COPZ1: variants seen among roughly 807,000 people sequenced by gnomAD.
The protein encoded by COPZ1 is coatomer subunit zeta-1.
A neutral mutation model predicts 31.7 loss-of-function variants in COPZ1; 4 were observed. The ratio of observed to expected loss-of-function variants is 0.13; its 90% CI spans 0.06 to 0.29. The LOEUF is 0.29. Among genes scored for constraint, COPZ1 ranks in the 10% least tolerant of loss-of-function variants. The probability of loss-of-function intolerance (pLI) is 1.00; values close to 1 mark genes in which losing one functional copy is unlikely to be tolerated. For synonymous variants in COPZ1, 74 were observed against 79.0 expected, an observed-to-expected ratio of 0.94 and a Z score of 0.33; for missense variants, 156 against 211.5, an observed-to-expected ratio of 0.74 and a Z score of 1.63.
chr12:54,350,615 G>A lies in COPZ1; in HGVS notation c.*92G>A. The A allele has an allele frequency of 9.7e-7, 1 of 1,028,616 alleles. No homozygotes were observed. Among genetic ancestry groups the A allele is most frequent in the Non-Finnish European group, 1.5e-6 (1 of 647,366 alleles). 63.7% of individuals were successfully genotyped at this position (1,028,616 alleles called of 1,614,324 possible). A position where few individuals can be genotyped will look rare whatever the true frequency, so the allele number is the denominator to read the frequency against. On this transcript the variant is annotated 3_prime_UTR_variant, in exon 9 of 9. Transcript: ENST00000262061. ...TAGTTCCCCAATCGATGCTCTCAGG[G>A]TCATCTCGGGGATCACAGGGATCCT...
rs185539542 is a variant in COPZ1, at chr12:54,340,984, C to T, written c.87+369C>T. Among the ~76,000 whole-genome samples the T allele has an allele frequency of 2.0e-5, 3 of 152,264 alleles. No individual in the cohort carries two copies. The East Asian group carries it at 5.8e-4, about 29-fold the overall frequency. The stretch of plus-strand genomic sequence containing the variant: ...AAAGTGTTGGGATTACAGGTGTGAG[C>T]CACCACACCCGGCCTGAATTCTTCC... On this transcript the variant is annotated intron_variant, in intron 2 of 8. Coordinates refer to ENST00000262061, the MANE Select transcript of COPZ1 (RefSeq NM_016057.3).
intron 5 of COPZ1, chr12:54,346,609 T>C: frequency 1.4e-6 from 1 of 701,438 alleles, no homozygotes; most frequent in Non-Finnish European, 2.6e-6. Flanking sequence ...TTCCCTTCTG[T>C]AGAACAGGAA....
rs1954005658 is a variant in COPZ1 at position 54,343,233 on chromosome 12, G to C, written c.178G>C (p.Ala60Pro). 6.2e-7 allele frequency: 1 copy of C among 1,613,474 alleles called. No individual in the cohort carries two copies. The highest frequency in any genetic ancestry group is 8.5e-7 in the Non-Finnish European group (1 of 1,179,502). ...TTTTTTTCCCCCACCAGGTGAAATT[G>C]CCCTCTTGGAAGGCCTGACAGTGGT... Reference protein sequence around the residue: ...NKTHRTDSEIALLEGLTVVYK... With the variant: ...NKTHRTDSEIPLLEGLTVVYK... Residue 60 changes from alanine to proline, a missense_variant, in exon 4 of 9, where the codon GCC becomes CCC. Transcript: ENST00000262061.
At chr12:54,344,334 C>T (rs1419954664) in intron 4 of COPZ1, among the ~76,000 whole-genome samples, 1 of 152,182 alleles carries the variant, frequency 6.6e-6, no homozygotes, top group Non-Finnish European at 1.5e-5. Flanking sequence ...AATCCCAGCA[C>T]TTTGGGAGGC....
chr12:54,342,152 C>A, intron 2 of COPZ1, 54 bp from the exon 3 acceptor site: 1 of 1,266,288 alleles, frequency 7.9e-7, no homozygotes, highest in Non-Finnish European at 1.2e-6. Flanking sequence ...AGTCACTAAT[C>A]ATTCTGGCTT....
intron 1 of COPZ1, among the ~76,000 whole-genome samples, chr12:54,335,689 T>C (rs1444595605): frequency 6.6e-6 from 1 of 152,014 alleles, no homozygotes; most frequent in South Asian, 2.1e-4. Flanking sequence ...TCTTTTTTTT[T>C]TTGAGGCGGT....
At chr12:54,349,307 T>C (rs2137115003) in intron 7 of COPZ1, among the ~76,000 whole-genome samples, 1 of 152,254 alleles carries the variant, frequency 6.6e-6, no homozygotes, top group African/African-American at 2.4e-5. Flanking sequence ...GACTAGGGAA[T>C]CAGGTCCTCC....
At chr12:54,349,724 C>T in intron 8 of COPZ1, 66 bp downstream of exon 8, 5 of 1,221,352 alleles carry the variant, frequency 4.1e-6, no homozygotes, top group South Asian at 1.2e-5. Context: ...CAGCATTCCA[C>T]CCATACCTCT....
Position 54,345,818 on chromosome 12 carries a change from A to C in COPZ1, c.317+303A>C, listed in dbSNP as rs369293380. 2.6e-5 allele frequency among the ~76,000 whole-genome samples: 4 copies of C among 152,074 alleles called. No individual in the cohort carries two copies. In the East Asian group the frequency reaches 7.7e-4, roughly 29 times the overall value. On this transcript the variant is annotated intron_variant, in intron 5 of 8. Coordinates refer to ENST00000262061, the MANE Select transcript of COPZ1 (RefSeq NM_016057.3). ...TAAAAATACAAAAAATTAGCCGGGC[A>C]TGGTAGCGGGCGCCTGTAGTCCCAG...
intron 8 of COPZ1, 101 bp downstream of exon 8, chr12:54,349,759 C>A: frequency 1.0e-6 from 1 of 966,970 alleles, no homozygotes; most frequent in South Asian, 1.3e-5. Context: ...ACTAGAGACT[C>A]AAGACACATC....
chr12:54,332,756 A>T (rs1453115786), intron 1 of COPZ1, among the ~76,000 whole-genome samples: 3 of 151,966 alleles, frequency 2.0e-5, no homozygotes, highest in Non-Finnish European at 4.4e-5. Context: ...GGGAAAAAAA[A>T]AAAGAAAGCT....
chr12:54,344,939 T>C (rs1325127015), intron 4 of COPZ1: 1 of 152,128 alleles, frequency 6.6e-6, no homozygotes, highest in African/African-American at 2.4e-5. Context: ...GTATTGTTTG[T>C]AGACAGGGTT....
intron 8 of COPZ1, 64 bp from the exon 9 acceptor site, chr12:54,350,412 C>T (rs1954127847): frequency 2.3e-6 from 3 of 1,290,346 alleles, no homozygotes; most frequent in East Asian, 2.3e-5. Context: ...AAGGAGATCC[C>T]CAGCCCTCAT....
chr12:54,349,829 C>T (rs1954117984), intron 8 of COPZ1, 171 bp downstream of exon 8: 4 of 707,300 alleles, frequency 5.7e-6, no homozygotes, highest in African/African-American at 1.7e-5. Flanking sequence ...ACTCCCTACC[C>T]CTACTTCCAA....
chr12:54,333,196 A>C (rs970254384), intron 1 of COPZ1, among the ~76,000 whole-genome samples: 1 of 151,954 alleles, frequency 6.6e-6, no homozygotes, highest in African/African-American at 2.4e-5. Context: ...GGCATGCACC[A>C]CCATGCCCAG....
At chr12:54,341,475 G>A (rs1953972627) in intron 2 of COPZ1, among the ~76,000 whole-genome samples, 1 of 152,202 alleles carries the variant, frequency 6.6e-6, no homozygotes, top group South Asian at 2.1e-4. Flanking sequence ...GTAGAGATTA[G>A]TTTAGAATTC....
chr12:54,333,427 G>T (rs753389748), intron 1 of COPZ1, among the ~76,000 whole-genome samples: 21 of 152,178 alleles, frequency 1.4e-4, no homozygotes, highest in Non-Finnish European at 2.6e-4. Flanking sequence ...AAAGGGGTCT[G>T]CTGTAACTCA....
Position 54,337,190 on chromosome 12 carries a change from AAAAC to A in COPZ1, c.19-3354_19-3351del, listed in dbSNP as rs762509489. On this transcript the variant is annotated intron_variant, in intron 1 of 8. Coordinates refer to ENST00000262061, the MANE Select transcript of COPZ1 (RefSeq NM_016057.3). ...CTGTCTAAGTCACCCAATCTCCCAC[AAAAC>A]AATCTGCCTATACATCATTTCCAAG... is the stretch of plus-strand genomic sequence containing the variant. 20 of 533,650 alleles carry A rather than the reference AAAAC, an allele frequency of 3.7e-5. No individual in the cohort carries two copies. In the East Asian group the frequency reaches 9.8e-4, roughly 26 times the overall value. The allele number at this position is 533,650 out of a possible 1,614,324, so 33.1% of individuals were successfully genotyped here.
At chr12:54,349,251 C>T (rs373613295) in intron 7 of COPZ1, among the ~76,000 whole-genome samples, 20 of 152,298 alleles carry the variant, frequency 1.3e-4, no homozygotes, top group African/African-American at 4.6e-4. Flanking sequence ...CTGGCTCCCC[C>T]TCATCCTTTC....
Sources: allele counts gnomAD v4.1 joint callset (sites outside exome capture counted in the v4.1 genomes callset), GRCh38; gene constraint gnomAD v4.1.1; transcripts MANE v1.5; gene names NCBI Gene and HGNC (gene_info 2026-07-23, HGNC 2026-07-21).